ATAD5: variants seen among roughly 807,000 people sequenced by gnomAD.
ATAD5 encodes the protein ATPase family AAA domain containing 5, also known as ATPase family AAA domain-containing protein 5.
In ATAD5, 58 loss-of-function variants were observed where a neutral mutation model predicts 176.9. The observed-to-expected ratio is 0.33, with a 90% CI of 0.27 to 0.41. The LOEUF (loss-of-function observed/expected upper bound fraction) is 0.41, where lower values mean the gene tolerates loss of function less well. ATAD5 is among the 10% of genes least tolerant of loss of function. ATAD5 has a pLI of 1.00. For missense variants in ATAD5, 1,789 were observed against 2,094.1 expected (o/e 0.85, Z 2.84); for synonymous variants, 640 against 712.6 (o/e 0.90, Z 1.62).
At position 30,869,505 on chromosome 17, in the gene ATAD5, G is replaced by A; in HGVS notation, c.3466G>A (p.Val1156Met). 6.2e-7 allele frequency: 1 copy of A among 1,613,070 alleles called. No homozygotes were observed. The highest frequency in any genetic ancestry group is 8.5e-7 in the Non-Finnish European group (1 of 1,179,830). ...AQELGFKIFE[V>M]NASSQRSGRQ... ...TATATTCTTCTTTTAGATATTTGAA[G>A]TGAATGCCTCTTCCCAGCGCAGTGG... Residue 1156 changes from valine to methionine, a missense_variant, in exon 14 of 23, where the codon GTG becomes ATG. By Grantham distance (21) the Val-to-Met change is conservative. This residue lies in a region of ATAD5 where 194 missense variants were observed against 270.1 expected (regional missense o/e 0.72). Transcript: ENST00000321990.
In ATAD5 at chr17:30,892,761, A is replaced by G. The variant is rs1317983748; in HGVS notation, c.4413A>G (p.Pro1471=). The G allele has an allele frequency of 1.3e-6, 2 of 1,565,740 alleles. No homozygotes were observed. The highest frequency in any genetic ancestry group is 1.7e-6 in the Non-Finnish European group (2 of 1,161,620). The part of the protein sequence containing the change: ...TLFGLKNIFS[P]SEDLFSFLKH... ...TTGGCCTTAAGAACATTTTTTCCCC[A>G]TCTGAAGACTTATTTTCATTTTTAA... Residue 1471 remains proline, a synonymous_variant, in exon 20 of 23, where the codon CCA becomes CCG. Coordinates refer to ENST00000321990, the MANE Select transcript of ATAD5 (RefSeq NM_024857.5).
chr17:30,846,059 T>C (rs1906477874), intron 6 of ATAD5, among the ~76,000 whole-genome samples: 1 of 152,352 alleles, frequency 6.6e-6, no homozygotes, highest in East Asian at 1.9e-4. Flanking sequence ...TATGCAGTTT[T>C]GACAAGTGCA....
chr17:30,893,142 T>C, intron 20 of ATAD5, 152 bp from the exon 21 acceptor site: 1 of 753,036 alleles, frequency 1.3e-6, no homozygotes, highest in African/African-American at 1.8e-5. Context: ...ATAGTACTAT[T>C]TTGATATATT....
rs749876759 is a variant in ATAD5 at position 30,893,357 on chromosome 17, C to A, written c.4504C>A (p.Arg1502=). 20 of 1,594,372 alleles carry A rather than the reference C, an allele frequency of 1.3e-5. No homozygotes were observed. The South Asian group carries it at 2.0e-4, about 16-fold the overall frequency. Residue 1502 remains arginine, a synonymous_variant, in exon 21 of 23, where the codon CGG becomes AGG. Transcript: ENST00000321990. ...FIQLLTEFQM[R]NVDFLYSNLE... is the part of the protein sequence containing the mutation. ...CCAGCTTCTTACAGAATTCCAAATGCGGAATGTAGATTTTTTATATAGTAA... is the reference window on the plus strand; with the variant it reads ...CCAGCTTCTTACAGAATTCCAAATGAGGAATGTAGATTTTTTATATAGTAA...
At chr17:30,879,809 G>A (rs995002145) in intron 18 of ATAD5, among the ~76,000 whole-genome samples, 6 of 151,938 alleles carry the variant, frequency 3.9e-5, no homozygotes, top group Non-Finnish European at 7.4e-5. Context: ...TGATCTGCCC[G>A]CCTCGGCCTC....
chr17:30,844,018 A>G lies in ATAD5; in HGVS notation c.2347A>G (p.Thr783Ala), dbSNP rs1906307459. The G allele has an allele frequency of 6.5e-7, 1 of 1,547,378 alleles. No homozygotes were observed. The highest frequency in any genetic ancestry group is 8.7e-7 in the Non-Finnish European group (1 of 1,151,428). ...LNDVLGKKLNTSTKNVPGKMK... is the reference protein window; with the variant it reads ...LNDVLGKKLNASTKNVPGKMK... ...TGATGTGCTAGGAAAAAAACTTAAC[A>G]CATCCACTAAAAATGTACCTGGTAA... Residue 783 changes from threonine to alanine, a missense_variant, in exon 5 of 23, where the codon ACA becomes GCA. Around this residue, in one of 6 missense-constraint regions of ATAD5, gnomAD observed 487 missense variants for 573.6 expected, o/e 0.85. Coordinates refer to ENST00000321990, the MANE Select transcript of ATAD5 (RefSeq NM_024857.5).
chr17:30,889,673 T>C (rs1909517015), intron 19 of ATAD5, among the ~76,000 whole-genome samples: 1 of 151,974 alleles, frequency 6.6e-6, no homozygotes, highest in African/African-American at 2.4e-5. Flanking sequence ...TGTGTTTACA[T>C]GGTTAAGACA....
chr17:30,833,901 C>T (rs1255508794), intron 1 of ATAD5, among the ~76,000 whole-genome samples: 3 of 152,054 alleles, frequency 2.0e-5, no homozygotes, highest in African/African-American at 7.2e-5. Flanking sequence ...AGGCTGGTCT[C>T]GAATTCCTGA....
chr17:30,865,563 A>G, intron 10 of ATAD5, 141 bp from the exon 11 acceptor site: 1 of 494,542 alleles, frequency 2.0e-6, no homozygotes, highest in Non-Finnish European at 3.5e-6. Context: ...TGTTGTTTTA[A>G]AAGTACCTCT....
chr17:30,890,753 T>G (rs1024880801), intron 19 of ATAD5, among the ~76,000 whole-genome samples: 1 of 152,028 alleles, frequency 6.6e-6, no homozygotes, highest in Non-Finnish European at 1.5e-5. Flanking sequence ...AATCTTTTTT[T>G]ATATACATTT....
intron 21 of ATAD5, 111 bp from the exon 22 acceptor site, chr17:30,894,452 TG>T: frequency 9.5e-7 from 1 of 1,056,538 alleles, no homozygotes; most frequent in Non-Finnish European, 1.3e-6. Flanking sequence ...GAAATTAATC[TG>T]GAAATGTCAT....
Position 30,851,051 on chromosome 17 carries a change from AT to A in ATAD5, c.2451-4083del, listed in dbSNP as rs969079834. Among the ~76,000 whole-genome samples, 1,161 of 141,562 alleles carry A rather than the reference AT, an allele frequency of 8.2e-3. 5 individuals carry two copies. Among genetic ancestry groups the A allele is most frequent in the Non-Finnish European group, 0.014 (870 of 64,308 alleles). 92.9% of individuals were successfully genotyped at this position (141,562 alleles called of 152,430 possible). A position where few individuals can be genotyped will look rare whatever the true frequency, so the allele number is the denominator to read the frequency against. On this transcript the variant is annotated intron_variant, in intron 6 of 22. Coordinates refer to ENST00000321990, the MANE Select transcript of ATAD5 (RefSeq NM_024857.5). Reference sequence around the variant, plus strand: ...AGGGGTGTGCCACCACACCCCGCTAATTTTTTTTTGTATTTTTAGTAGAGAT... The same window carrying A: ...AGGGGTGTGCCACCACACCCCGCTAATTTTTTTTGTATTTTTAGTAGAGAT...
At chr17:30,849,169 C>T (rs369028424) in intron 6 of ATAD5, among the ~76,000 whole-genome samples, 52 of 152,312 alleles carry the variant, frequency 3.4e-4, no homozygotes, top group African/African-American at 1.2e-3. Flanking sequence ...CCGTGCCTGG[C>T]TATATTTTTG....
chr17:30,865,585 A>T, intron 10 of ATAD5, 119 bp from the exon 11 acceptor site: 1 of 550,954 alleles, frequency 1.8e-6, no homozygotes. Flanking sequence ...GCATTTTGTA[A>T]ATATAAATAT....
chr17:30,840,206 A>C (rs937049347), intron 3 of ATAD5, among the ~76,000 whole-genome samples: 4 of 150,208 alleles, frequency 2.7e-5, no homozygotes, highest in Non-Finnish European at 5.9e-5. Flanking sequence ...AAAAAAAAAA[A>C]AAAAAAAAAA....
At chr17:30,892,912 G>A in intron 20 of ATAD5, 124 bp downstream of exon 20, 1 of 843,280 alleles carries the variant, frequency 1.2e-6, no homozygotes, top group South Asian at 2.4e-5. Context: ...TAAGCCTTAG[G>A]TCTCTGATTT....
chr17:30,849,720 T>A (rs778705040), intron 6 of ATAD5, among the ~76,000 whole-genome samples: 9 of 152,356 alleles, frequency 5.9e-5, no homozygotes, highest in Non-Finnish European at 1.2e-4. Context: ...ATATATTACC[T>A]TGCCTTTTTA....
At chr17:30,844,118 G>T (rs960419709) in intron 5 of ATAD5, 79 bp downstream of exon 5, 3 of 1,163,710 alleles carry the variant, frequency 2.6e-6, no homozygotes, top group Admixed American at 3.0e-5. Context: ...TGTGTTCTGG[G>T]GTATTTATTT....
At chr17:30,882,958 T>A (rs144475951) in intron 18 of ATAD5, among the ~76,000 whole-genome samples, 17 of 152,232 alleles carry the variant, frequency 1.1e-4, no homozygotes, top group African/African-American at 4.1e-4. Flanking sequence ...TAGATAGTGG[T>A]AATGGGTGCA....
Sources: gnomAD v4.1 joint callset for allele counts (sites outside exome capture counted in the v4.1 genomes callset) on GRCh38, gnomAD v4.1.1 for gene constraint, gnomAD v4.1.1 regional missense constraint, MANE v1.5 for transcripts, NCBI Gene and HGNC (gene_info 2026-07-23, HGNC 2026-07-21) for gene names.